Variants in SLC39A4 observed in about 807,000 individuals in gnomAD.
SLC39A4 encodes the protein solute carrier family 39 member 4.
SLC39A4 carries 49 observed loss-of-function variants against 56.6 expected under a neutral mutation model. The observed-to-expected ratio is 0.87, with a 90% confidence interval of 0.69 to 1.10. SLC39A4 has a LOEUF of 1.10. SLC39A4 is among the 50% of genes least tolerant of loss of function. The pLI is 0.00. For synonymous variants in SLC39A4, 540 were observed against 420.4 expected, an observed-to-expected ratio of 1.28 and a Z score of -3.48; for missense variants, 993 against 864.2, an observed-to-expected ratio of 1.15 and a Z score of -1.87.
intron 4 of SLC39A4, 37 bp from the exon 5 acceptor site, chr8:144,414,933 G>A (rs1554873308): frequency 1.2e-6 from 2 of 1,612,960 alleles, no homozygotes; most frequent in African/African-American, 2.7e-5. Context: ...GGCCCAAGCA[G>A]ACCCCGGTGA....
In SLC39A4 at chr8:144,416,685, G is replaced by A. The variant is rs199557824; in HGVS notation, c.105C>T (p.Gly35=). ...PAGLLSLLTS[G]QGALDQEALG... is the part of the protein sequence containing the mutation. ...GAGCCTCTTGATCCAGAGCGCCCTG[G>A]CCAGAGGTGAGCAGGCTCAGCAGAC... The change falls in exon 1 of 12, where the codon GGC becomes GGT. Residue 35 remains glycine (G), a synonymous_variant. Transcript: ENST00000301305. 8 of 1,612,224 alleles carry A rather than the reference G, an allele frequency of 5.0e-6. No individual in the cohort carries two copies. Among genetic ancestry groups the A allele is most frequent in the African/African-American group, 1.3e-5 (1 of 75,048 alleles).
chr8:144,414,851 C>T lies in SLC39A4; in HGVS notation c.850G>A (p.Glu284Lys), dbSNP rs7823979. 8,284 of 1,613,336 alleles carry T rather than the reference C, an allele frequency of 5.1e-3. 320 individuals are homozygous for T. The African/African-American group carries it at 0.095, about 18-fold the overall frequency. ...GCCTCCGGGGTCACCCCAGCCTGTTCCGACAGTCCATATGCAGCCATCACG... is the reference window on the plus strand; with the variant it reads ...GCCTCCGGGGTCACCCCAGCCTGTTTCGACAGTCCATATGCAGCCATCACG... The part of the protein sequence containing the change: ...RDVMAAYGLS[E>K]QAGVTPEAWA... Residue 284 changes from glutamate to lysine, a missense_variant, in exon 5 of 12, where the codon GAA becomes AAA. By Grantham distance (56) the Glu-to-Lys change is moderately conservative. Transcript: ENST00000301305.
chr8:144,413,683 G>T, intron 8 of SLC39A4, 67 bp downstream of exon 8: 1 of 1,538,306 alleles, frequency 6.5e-7, no homozygotes, highest in African/African-American at 1.4e-5. Context: ...GGGGCTGGGA[G>T]TGTGGGCGTG....
Position 144,415,126 on chromosome 8 carries a change from G to A in SLC39A4, c.668-16C>T, listed in dbSNP as rs1822114969. ...GCTGACAGCTCTGGCAGGGAGAAGA[G>A]TTGGCACCGCGAGTCTGTGTGGGCT... On this transcript the variant is annotated splice_polypyrimidine_tract_variant and intron_variant, in intron 3 of 11. Coordinates refer to ENST00000301305, the MANE Select transcript of SLC39A4 (RefSeq NM_130849.4). 1 of 1,612,534 alleles carries A rather than the reference G, an allele frequency of 6.2e-7. No individual in the cohort carries two copies. The highest frequency in any genetic ancestry group is 1.1e-5 in the South Asian group (1 of 91,088).
chr8:144,415,565 G>T, intron 2 of SLC39A4, 146 bp from the exon 3 acceptor site: 1 of 1,174,842 alleles, frequency 8.5e-7, no homozygotes, highest in Non-Finnish European at 1.2e-6. Flanking sequence ...TCCCTGCCGG[G>T]CCCAGCTGCT....
intron 1 of SLC39A4, 118 bp from the exon 2 acceptor site, chr8:144,416,209 C>G (rs1554873995): frequency 6.3e-7 from 1 of 1,591,758 alleles, no homozygotes; most frequent in African/African-American, 1.3e-5. Context: ...CGTCCACCAT[C>G]CTCTCTCAAC....
In SLC39A4 at chr8:144,416,749, G is replaced by A. The variant is rs1554874182; in HGVS notation, c.41C>T (p.Ala14Val). Reference protein sequence around the residue: ...LVSLELGLLLAVLVVTATASP... With the variant: ...LVSLELGLLLVVLVVTATASP... ...CGCCGTCGCCGTCACCACCAGCACA[G>A]CCAGAAGCAGCCCCAGCTCCAGCGA... The change falls in exon 1 of 12, where the codon GCT (alanine) becomes GTT (valine). Residue 14 changes from alanine (A) to valine (V), a missense_variant. Coordinates refer to ENST00000301305, the MANE Select transcript of SLC39A4 (RefSeq NM_130849.4). 25 of 1,612,794 alleles carry A rather than the reference G, an allele frequency of 1.6e-5. No homozygotes were observed. Among genetic ancestry groups the A allele is most frequent in the East Asian group, 2.2e-5 (1 of 44,878 alleles).
At position 144,413,785 on chromosome 8, in the gene SLC39A4, G is replaced by T; in HGVS notation, c.1384C>A (p.Pro462Thr). Residue 462 changes from proline to threonine, a missense_variant, in exon 8 of 12, where the codon CCC (proline) becomes ACC (threonine). By Grantham distance (38) the Pro-to-Thr change is conservative. Transcript: ENST00000301305. ...LQLAPSELRQ[P>T]KPPHEGSRAD... ...CGGGAGCCCTCGTGGGGGGGCTTGG[G>T]CTGCCGGAGCTCGCTGGGTGCCAGC... 1.3e-6 allele frequency: 2 copies of T among 1,549,612 alleles called. No individual in the cohort carries two copies. Among genetic ancestry groups the T allele is most frequent in the Non-Finnish European group, 1.7e-6 (2 of 1,153,154 alleles).
rs574169037 is a variant in SLC39A4 at position 144,415,055 on chromosome 8, G to A, written c.723C>T (p.His241=). 1.1e-4 allele frequency: 170 copies of A among 1,611,320 alleles called. No individual in the cohort carries two copies. In the South Asian group the frequency reaches 1.7e-3, roughly 16 times the overall value. ...LGVGREAHSD[H]SHRHRGASSR... ...TGCTGGCTCCCCTGTGCCGATGACT[G>A]TGGTCACTGTGGGCCTCCCTGCCCA... is the stretch of plus-strand genomic sequence containing the variant. Residue 241 remains histidine (H), a synonymous_variant, in exon 4 of 12, where the codon CAC becomes CAT. Coordinates refer to ENST00000301305, the MANE Select transcript of SLC39A4 (RefSeq NM_130849.4).
intron 10 of SLC39A4, 75 bp from the exon 11 acceptor site, chr8:144,413,021 C>A (rs1156814138): frequency 6.6e-7 from 1 of 1,521,828 alleles, no homozygotes; most frequent in African/African-American, 1.4e-5. Flanking sequence ...GTCCCGCCCT[C>A]TTACCACCAG....
chr8:144,416,005 G>A lies in SLC39A4; in HGVS notation c.279C>T (p.Val93=), dbSNP rs374273235. 1.4e-4 allele frequency: 216 copies of A among 1,580,852 alleles called. 1 individual carries two copies. Among genetic ancestry groups the A allele is most frequent in the South Asian group, 1.8e-4 (16 of 88,106 alleles). Residue 93 remains valine, a synonymous_variant, in exon 2 of 12, where the codon GTC becomes GTT. Coordinates refer to ENST00000301305, the MANE Select transcript of SLC39A4 (RefSeq NM_130849.4). ...GGACGGCGGCGGCACTGAGGCGGGC[G>A]ACGTACCTGGCCTCCAGGACCGGGC... The part of the protein sequence containing the change: ...PPGPVLEARY[V]ARLSAAAVLY...
Position 144,415,989 on chromosome 8 carries a change from C to A in SLC39A4, c.295G>T (p.Ala99Ser), listed in dbSNP as rs182506368. Residue 99 changes from alanine to serine, a missense_variant, in exon 2 of 12, where the codon GCC (alanine) becomes TCC (serine). Ala to Ser is a moderately conservative substitution (Grantham distance 99, BLOSUM62 1). Transcript: ENST00000301305. ...EARYVARLSAAAVLYLSNPEG... is the reference protein window; with the variant it reads ...EARYVARLSASAVLYLSNPEG... ...GGGTTGCTGAGGTACAGGACGGCGGCGGCACTGAGGCGGGCGACGTACCTG... is the reference window on the plus strand; with the variant it reads ...GGGTTGCTGAGGTACAGGACGGCGGAGGCACTGAGGCGGGCGACGTACCTG... 1.3e-5 allele frequency: 21 copies of A among 1,590,326 alleles called. No homozygotes were observed. The highest frequency in any genetic ancestry group is 1.7e-5 in the Non-Finnish European group (20 of 1,170,118).
At chr8:144,413,627 G>A in intron 8 of SLC39A4, 60 bp from the exon 9 acceptor site, 1 of 1,547,410 alleles carries the variant, frequency 6.5e-7, no homozygotes, top group Non-Finnish European at 8.7e-7. Context: ...GTGGGGCGGG[G>A]CGGGGCCCCA....
rs1554873434 is a variant in SLC39A4 at position 144,415,084 on chromosome 8, C to G, written c.694G>C (p.Gly232Arg). ...TCACTGTGGGCCTCCCTGCCCACCC[C>G]CAGGCGCTGCATCAAGGCTGACAGC... ...AELSALMQRL[G>R]VGREAHSDHS... Residue 232 changes from glycine (G) to arginine (R), a missense_variant, in exon 4 of 12, where the codon GGG becomes CGG. Physicochemically the swap from Gly to Arg is moderately radical, Grantham distance 125. Coordinates refer to ENST00000301305, the MANE Select transcript of SLC39A4 (RefSeq NM_130849.4). 1.8e-5 allele frequency: 29 copies of G among 1,611,746 alleles called. No homozygotes were observed. The highest frequency in any genetic ancestry group is 2.4e-5 in the Non-Finnish European group (28 of 1,179,940).
At chr8:144,414,929 A>G (rs782078253) in intron 4 of SLC39A4, 33 bp from the exon 5 acceptor site, 14 of 1,612,968 alleles carry the variant, frequency 8.7e-6, no homozygotes. Flanking sequence ...CAGGGGCCCA[A>G]GCAGACCCCG....
At chr8:144,416,325 C>T (rs1822196662) in intron 1 of SLC39A4, 3 of 1,479,776 alleles carry the variant, frequency 2.0e-6, no homozygotes, top group Admixed American at 2.4e-5. Context: ...GGGGACTCCC[C>T]TGGAGCCACT....
chr8:144,415,680 A>C lies in SLC39A4; in HGVS notation c.474+130T>G, dbSNP rs1156945669. 2.9e-6 allele frequency: 4 copies of C among 1,361,606 alleles called. No individual in the cohort carries two copies. The African/African-American group carries it at 4.4e-5, about 15-fold the overall frequency. The allele number at this position is 1,361,606 out of a possible 1,614,324, so 84.3% of individuals were successfully genotyped here. A position where few individuals can be genotyped will look rare whatever the true frequency, so the allele number is the denominator to read the frequency against. On this transcript the variant is annotated intron_variant, in intron 2 of 11. Coordinates refer to ENST00000301305, the MANE Select transcript of SLC39A4 (RefSeq NM_130849.4). Reference sequence around the variant, plus strand: ...AGTGAGCCCCACGTTGTGAATCCCCAGCCGCAGGCCGACTCCTGGGCGTCT... The same window carrying C: ...AGTGAGCCCCACGTTGTGAATCCCCCGCCGCAGGCCGACTCCTGGGCGTCT...
chr8:144,415,375 C>T lies in SLC39A4; in HGVS notation c.519G>A (p.Ala173=), dbSNP rs782696621. 7.5e-6 allele frequency: 12 copies of T among 1,608,112 alleles called. No individual in the cohort carries two copies. The highest frequency in any genetic ancestry group is 1.7e-5 in the Admixed American group (1 of 59,398). Residue 173 remains alanine (A), a synonymous_variant, in exon 3 of 12, where the codon GCG becomes GCA. Coordinates refer to ENST00000301305, the MANE Select transcript of SLC39A4 (RefSeq NM_130849.4). The part of the protein sequence containing the change: ...IPQLLEEAVG[A]GAPGSAGGVL... ...CGCCGCCAGCACTGCCCGGAGCCCC[C>T]GCCCCCACCGCCTCCTCCAGCAGCT...
intron 9 of SLC39A4, 53 bp downstream of exon 9, chr8:144,413,460 T>TCCACACA: frequency 6.4e-7 from 1 of 1,572,340 alleles, no homozygotes; most frequent in East Asian, 2.3e-5. Context: ...CCACCCGCGC[T>TCCACACA]CCACACAAAC....
Sources: gnomAD v4.1 joint callset for allele counts on GRCh38, gnomAD v4.1.1 for gene constraint, MANE v1.5 for transcripts, NCBI Gene and HGNC (gene_info 2026-07-23, HGNC 2026-07-21) for gene names.